Variants in CNOT1 observed in about 807,000 individuals in gnomAD.
The protein encoded by CNOT1 is CCR4-NOT transcription complex subunit 1.
CNOT1 carries 15 observed loss-of-function variants against 273.8 expected under a neutral mutation model. That is an observed-to-expected ratio of 0.05 (90% confidence interval 0.04 to 0.08). The LOEUF (loss-of-function observed/expected upper bound fraction) is 0.08. Among genes scored for constraint, CNOT1 ranks in the 10% least tolerant of loss-of-function variants. CNOT1 has a pLI of 1.00. For missense variants in CNOT1, 1,644 were observed against 2,912.2 expected (o/e 0.56, Z 10.02); for synonymous variants, 1,022 against 1,005.5 (o/e 1.02, Z -0.31).
intron 7 of CNOT1, among the ~76,000 whole-genome samples, chr16:58,586,109 G>A (rs78523118): frequency 0.032 from 4,675 of 148,194 alleles, 247 homozygotes; most frequent in African/African-American, 0.11. Context: ...AAAAGTGACC[G>A]ATTTTTTAAG....
rs529295358 is a variant in CNOT1 at position 58,571,760 on chromosome 16, T to C, written c.1979+2849A>G. On this transcript the variant is annotated intron_variant, in intron 16 of 48. Transcript: ENST00000317147. ...TGGGAGGCTGAGGCGAGTGGATCAC[T>C]TGAGGTCAGGAGTTTGAGACCAGCC... Among the ~76,000 whole-genome samples, 57 of 151,966 alleles carry C rather than the reference T, an allele frequency of 3.8e-4. No individual in the cohort carries two copies. In the South Asian group the frequency reaches 0.012, roughly 31 times the overall value.
chr16:58,589,055 G>A, intron 2 of CNOT1, 149 bp from the exon 3 acceptor site: 1 of 1,111,644 alleles, frequency 9.0e-7, no homozygotes, highest in African/African-American at 1.6e-5. Context: ...AATTATTGAT[G>A]GAAGTGCCCA....
rs371832484 is a variant in CNOT1 at position 58,537,267 on chromosome 16, A to G, written c.5415-47T>C. The G allele has an allele frequency of 7.2e-6, 11 of 1,537,348 alleles. No individual in the cohort carries two copies. In the African/African-American group the frequency reaches 1.5e-4, roughly 21 times the overall value. On this transcript the variant is annotated intron_variant, in intron 38 of 48. Transcript: ENST00000317147. Reference sequence around the variant, plus strand: ...GAAAATCAGTCTCCTCGTAGTTGTGATTTTACAGACATACGCATGTATAGT... The same window carrying G: ...GAAAATCAGTCTCCTCGTAGTTGTGGTTTTACAGACATACGCATGTATAGT...
At chr16:58,590,727 T>G (rs2042024187) in intron 2 of CNOT1, among the ~76,000 whole-genome samples, 1 of 152,190 alleles carries the variant, frequency 6.6e-6, no homozygotes, top group South Asian at 2.1e-4. Context: ...ATGGTGCCAC[T>G]GCACTCCCAC....
chr16:58,588,440 T>C (rs2151987986), intron 3 of CNOT1, among the ~76,000 whole-genome samples: 1 of 152,294 alleles, frequency 6.6e-6, no homozygotes, highest in East Asian at 1.9e-4. Context: ...ACAAGATTAC[T>C]GTAAGAAACA....
At chr16:58,551,533 T>C in intron 23 of CNOT1, 56 bp downstream of exon 23, 1 of 1,553,034 alleles carries the variant, frequency 6.4e-7, no homozygotes, top group Non-Finnish European at 8.9e-7. Flanking sequence ...TGTTCACCAC[T>C]GATTATTACA....
chr16:58,620,055 AG>A (rs1374769811), intron 1 of CNOT1, among the ~76,000 whole-genome samples: 1 of 152,176 alleles, frequency 6.6e-6, no homozygotes, highest in African/African-American at 2.4e-5. Context: ...TATGAAAAAA[AG>A]AAAAACCAGA....
chr16:58,581,552 G>C (rs748466506), intron 10 of CNOT1, 37 bp from the exon 11 acceptor site: 1 of 1,557,794 alleles, frequency 6.4e-7, no homozygotes, highest in East Asian at 2.3e-5. Flanking sequence ...TGTAATGAAT[G>C]TGTGTATATT....
At chr16:58,551,296 TA>T (rs767631713) in intron 23 of CNOT1, 24 bp from the exon 24 acceptor site, 460 of 1,546,410 alleles carry the variant, frequency 3.0e-4, no homozygotes, top group Admixed American at 1.8e-3. Flanking sequence ...ATAAAGTACA[TA>T]AGGCAAATAA....
chr16:58,581,760 C>CA (rs1267648970), intron 10 of CNOT1, among the ~76,000 whole-genome samples: 2 of 151,880 alleles, frequency 1.3e-5, no homozygotes, highest in African/African-American at 4.8e-5. Context: ...CTCTTTGGTT[C>CA]AAGAGATTCT....
At position 58,556,552 on chromosome 16, in the gene CNOT1, CAT is replaced by C. The variant is rs147604974; in HGVS notation, c.2479+293_2479+294del. ...GACTTGCTTTAAAAAAAACTCAACACATGTTTAGGTTAAGTTCAAGAGTTACA... is the reference window on the plus strand; with the variant it reads ...GACTTGCTTTAAAAAAAACTCAACACGTTTAGGTTAAGTTCAAGAGTTACA... On this transcript the variant is annotated intron_variant, in intron 19 of 48. Coordinates refer to ENST00000317147, the MANE Select transcript of CNOT1 (RefSeq NM_016284.5). Among the ~76,000 whole-genome samples, 1,307 of 152,304 alleles carry C rather than the reference CAT, an allele frequency of 8.6e-3. 15 individuals carry two copies. The highest frequency in any genetic ancestry group is 0.031 in the Middle Eastern group (9 of 294).
chr16:58,565,423 A>G (rs1408891728), intron 16 of CNOT1, among the ~76,000 whole-genome samples: 1 of 152,200 alleles, frequency 6.6e-6, no homozygotes, highest in Non-Finnish European at 1.5e-5. Flanking sequence ...CCTTCACTAT[A>G]TATTTTCTAT....
In CNOT1 at chr16:58,605,085, G is replaced by T. The variant is rs540789674; in HGVS notation, c.-174-5574C>A. On this transcript the variant is annotated intron_variant, in intron 1 of 48. Coordinates refer to ENST00000317147, the MANE Select transcript of CNOT1 (RefSeq NM_016284.5). ...TGGGAGGCGGAGATTGCAGTGAGCC[G>T]AGATCGCGCCACTGCACTGCAGCGT... Among the ~76,000 whole-genome samples, 19 of 152,208 alleles carry T rather than the reference G, an allele frequency of 1.2e-4. No homozygotes were observed. In the East Asian group the frequency reaches 3.7e-3, roughly 29 times the overall value.
intron 1 of CNOT1, among the ~76,000 whole-genome samples, chr16:58,620,952 T>C (rs2043287474): frequency 6.6e-6 from 1 of 152,054 alleles, no homozygotes; most frequent in African/African-American, 2.4e-5. Flanking sequence ...AAAGAAACTA[T>C]AATGGAGATT....
chr16:58,556,117 T>C, intron 19 of CNOT1, among the ~76,000 whole-genome samples: 1 of 152,216 alleles, frequency 6.6e-6, no homozygotes, highest in Non-Finnish European at 1.5e-5. Context: ...AATTCTACAT[T>C]AGTATTATCT....
chr16:58,564,153 A>G (rs2040955750), intron 16 of CNOT1, among the ~76,000 whole-genome samples: 5 of 152,204 alleles, frequency 3.3e-5, no homozygotes, highest in Admixed American at 2.6e-4. Context: ...ATAAGTATGT[A>G]TTTGTTTTTA....
At chr16:58,627,236 G>A (rs747492752) in intron 1 of CNOT1, among the ~76,000 whole-genome samples, 1 of 151,694 alleles carries the variant, frequency 6.6e-6, no homozygotes, top group Non-Finnish European at 1.5e-5. Flanking sequence ...GTGAAACCCT[G>A]TCTCTATTAA....
chr16:58,544,037 G>A, intron 30 of CNOT1, 134 bp from the exon 31 acceptor site: 1 of 1,387,756 alleles, frequency 7.2e-7, no homozygotes, highest in South Asian at 1.6e-5. Flanking sequence ...GTTAACCAAT[G>A]GAAAATTCGG....
chr16:58,578,281 C>T (rs986499122), intron 13 of CNOT1, among the ~76,000 whole-genome samples: 17 of 151,638 alleles, frequency 1.1e-4, no homozygotes, highest in Admixed American at 3.9e-4. Context: ...TGGTGAAATC[C>T]CACTTCTATT....
Sources: gnomAD v4.1 joint callset for allele counts (sites outside exome capture counted in the v4.1 genomes callset) on GRCh38, gnomAD v4.1.1 for gene constraint, MANE v1.5 for transcripts, NCBI Gene and HGNC (gene_info 2026-07-23, HGNC 2026-07-21) for gene names.